STS: variants seen among roughly 807,000 people sequenced by gnomAD.
STS encodes the protein steryl-sulfatase.
A neutral mutation model predicts 26.8 loss-of-function variants in STS; 7 were observed. The observed-to-expected ratio is 0.26, with a 90% CI of 0.15 to 0.49. The LOEUF (loss-of-function observed/expected upper bound fraction) is 0.49, where lower values mean the gene tolerates loss of function less well. Among genes scored for constraint, STS ranks in the 20% least tolerant of loss-of-function variants. The pLI is 0.98. For missense variants in STS, 434 were observed against 465.6 expected (o/e 0.93, Z 0.63); for synonymous variants, 199 against 189.4 (o/e 1.05, Z -0.42).
At chrX:7,174,856 C>G (rs1933535245) in intron 1 of STS, among the ~76,000 whole-genome samples, 1 of 111,272 alleles carries the variant, frequency 9.0e-6, no homozygotes, top group Non-Finnish European at 1.9e-5. Flanking sequence ...TGATTGTAAG[C>G]TGCTGTGATG....
intron 2 of STS, among the ~76,000 whole-genome samples, chrX:7,200,927 A>G (rs1934057964): frequency 9.1e-6 from 1 of 110,379 alleles, no homozygotes; most frequent in African/African-American, 3.3e-5. Flanking sequence ...ATGAAGCTAT[A>G]TATAAAACCA....
At chrX:7,304,539 T>C (rs1926125180) in intron 7 of STS, among the ~76,000 whole-genome samples, 1 of 111,524 alleles carries the variant, frequency 9.0e-6, no homozygotes, top group Admixed American at 9.6e-5. Flanking sequence ...AGTTTAGATT[T>C]GGGTATCTAC....
At chrX:7,281,250 G>T (rs1924846078) in intron 7 of STS, among the ~76,000 whole-genome samples, 2 of 111,038 alleles carry the variant, frequency 1.8e-5, no homozygotes, top group Admixed American at 1.9e-4. Flanking sequence ...CTGATTTTAT[G>T]AGATTCTTTC....
chrX:7,290,544 T>A (rs919070297), intron 7 of STS, among the ~76,000 whole-genome samples: 7 of 111,873 alleles, frequency 6.3e-5, no homozygotes, highest in African/African-American at 2.3e-4. Context: ...CTCAGCAAGC[T>A]CACAAAATCA....
intron 2 of STS, among the ~76,000 whole-genome samples, chrX:7,235,137 A>G (rs1480277862): frequency 8.9e-6 from 1 of 112,199 alleles, no homozygotes; most frequent in African/African-American, 3.2e-5. Flanking sequence ...ATAGCAAAGC[A>G]TTTGGATTTG....
chrX:7,179,443 A>G (rs1933640713), intron 1 of STS, among the ~76,000 whole-genome samples: 1 of 112,007 alleles, frequency 8.9e-6, no homozygotes, highest in African/African-American at 3.2e-5. Flanking sequence ...TAAAAGTGGT[A>G]ACTGGCTTTC....
At chrX:7,193,948 G>C (rs1486543512) in intron 2 of STS, among the ~76,000 whole-genome samples, 5 of 111,171 alleles carry the variant, frequency 4.5e-5, no homozygotes, top group Non-Finnish European at 9.4e-5. Context: ...CTGTCGTCCA[G>C]GCTGGAAGTG....
intron 2 of STS, among the ~76,000 whole-genome samples, chrX:7,194,672 A>G (rs1253704226): frequency 1.8e-5 from 2 of 112,112 alleles, no homozygotes; most frequent in East Asian, 5.6e-4. Context: ...TGAACAAGGG[A>G]AGTTAGCTTG....
At chrX:7,265,753 G>C (rs748909066) in intron 6 of STS, among the ~76,000 whole-genome samples, 4 of 112,041 alleles carry the variant, frequency 3.6e-5, no homozygotes, top group East Asian at 2.8e-4. Context: ...TTCACAAACA[G>C]CTTCTTACAT....
chrX:7,176,451 C>T (rs904036297), intron 1 of STS, among the ~76,000 whole-genome samples: 18 of 111,956 alleles, frequency 1.6e-4, no homozygotes, highest in Non-Finnish European at 3.0e-4. Context: ...TTCCTTAGAG[C>T]ATCCCAACCC....
rs373623908 is a variant in STS, at chrX:7,234,840, G to A, written c.-4-18356G>A. On this transcript the variant is annotated intron_variant, in intron 2 of 10. Transcript: ENST00000674429. ...AAAGTTTCAATATATGTTTCTAGAC[G>A]TGTTTTTTTTCTTACAAAATCCTTC... Among the ~76,000 whole-genome samples the A allele has an allele frequency of 3.6e-5, 4 of 111,962 alleles. No individual in the cohort carries two copies. The South Asian group carries it at 1.1e-3, about 32-fold the overall frequency.
chrX:7,235,181 G>C (rs1005833075), intron 2 of STS, among the ~76,000 whole-genome samples: 1 of 112,304 alleles, frequency 8.9e-6, no homozygotes, highest in South Asian at 3.6e-4. Flanking sequence ...CTGAGCAAGA[G>C]AGAAATGGCT....
intron 2 of STS, among the ~76,000 whole-genome samples, chrX:7,192,644 T>A (rs747777433): frequency 3.6e-5 from 4 of 110,440 alleles, no homozygotes; most frequent in Non-Finnish European, 7.6e-5. Context: ...TTGGGAAAAA[T>A]GTGGTGAAGA....
intron 7 of STS, among the ~76,000 whole-genome samples, chrX:7,292,398 A>C (rs1256217959): frequency 8.9e-6 from 1 of 112,335 alleles, no homozygotes; most frequent in Non-Finnish European, 1.9e-5. Context: ...ATGGAAAGGG[A>C]GTCTTTGTAC....
In STS at chrX:7,350,239, A is replaced by G; in HGVS notation, c.1715A>G (p.Gln572Arg). The G allele has an allele frequency of 8.3e-7, 1 of 1,210,097 alleles. No homozygotes were observed. The highest frequency in any genetic ancestry group is 1.1e-6 in the Non-Finnish European group (1 of 894,618). The change falls in exon 11 of 11, where the codon CAG becomes CGG. Residue 572 changes from glutamine to arginine, a missense_variant. Coordinates refer to ENST00000674429, the MANE Select transcript of STS (RefSeq NM_001320752.2). Reference protein sequence around the residue: ...GLSCQCDREKQDKRLSR With the variant: ...GLSCQCDREKRDKRLSR ...TCTTGCCAGTGTGATAGAGAAAAAC[A>G]GGATAAGAGACTGAGCCGCTAGCAG...
chrX:7,247,309 A>G (rs1183378505), intron 2 of STS, among the ~76,000 whole-genome samples: 2 of 112,224 alleles, frequency 1.8e-5, no homozygotes, highest in African/African-American at 6.5e-5. Context: ...TACCAACTCA[A>G]TGTAGATAAG....
chrX:7,208,264 A>G (rs373146006), intron 2 of STS, among the ~76,000 whole-genome samples: 8 of 112,236 alleles, frequency 7.1e-5, no homozygotes, highest in African/African-American at 1.6e-4. Context: ...GAAAAGAGAT[A>G]TGCTTATTGT....
intron 10 of STS, among the ~76,000 whole-genome samples, chrX:7,337,304 A>C (rs1473998590): frequency 2.7e-5 from 3 of 112,328 alleles, no homozygotes; most frequent in African/African-American, 9.7e-5. Context: ...TGAGCAAAAC[A>C]GACAAAGTTC....
chrX:7,156,444 G>A (rs1231891663), intron 1 of STS, among the ~76,000 whole-genome samples: 9 of 111,290 alleles, frequency 8.1e-5, no homozygotes, highest in African/African-American at 2.9e-4. Flanking sequence ...TACAACACAT[G>A]TATTTTCTTC....
Sources: allele counts gnomAD v4.1 joint callset (sites outside exome capture counted in the v4.1 genomes callset), GRCh38; gene constraint gnomAD v4.1.1; transcripts MANE v1.5; gene names NCBI Gene and HGNC (gene_info 2026-07-23, HGNC 2026-07-21).